Variants in NRG1 observed in about 807,000 individuals in gnomAD.
The protein encoded by NRG1 is neuregulin 1.
In NRG1, 18 loss-of-function variants were observed where a neutral mutation model predicts 63.8. The ratio of observed to expected loss-of-function variants is 0.28; its 90% CI spans 0.19 to 0.42. The LOEUF is 0.42. NRG1 is among the 10% of genes least tolerant of loss of function. The pLI, the probability that NRG1 is intolerant of heterozygous loss-of-function variation, is 1.00. For synonymous variants in NRG1, 302 were observed against 301.3 expected, an observed-to-expected ratio of 1.00 and a Z score of -0.02; for missense variants, 762 against 814.7, an observed-to-expected ratio of 0.94 and a Z score of 0.79.
intron 1 of NRG1, among the ~76,000 whole-genome samples, chr8:32,462,481 A>G (rs755770583): frequency 1.2e-4 from 18 of 152,092 alleles, no homozygotes; most frequent in Non-Finnish European, 2.5e-4. Flanking sequence ...TTCCATAGTT[A>G]ACATTTTTGT....
intron 6 of NRG1, among the ~76,000 whole-genome samples, chr8:32,732,988 G>A (rs1824112149): frequency 6.6e-6 from 1 of 151,544 alleles, no homozygotes; most frequent in African/African-American, 2.4e-5. Context: ...TTTGTATTTA[G>A]TAGCGACAGG....
At chr8:32,366,743 G>T (rs531001240) in intron 1 of NRG1, among the ~76,000 whole-genome samples, 79 of 122,902 alleles carry the variant, frequency 6.4e-4, no homozygotes, top group Middle Eastern at 4.9e-3. Context: ...ACAGAGTCTT[G>T]CTGTGTTGCC....
chr8:32,084,908 T>C (rs1827993393), intron 1 of NRG1, among the ~76,000 whole-genome samples: 1 of 152,038 alleles, frequency 6.6e-6, no homozygotes, highest in African/African-American at 2.4e-5. Context: ...TTTGAAGGAG[T>C]GATTTTAATT....
At chr8:31,951,337 A>G (rs437845) in intron 1 of NRG1, among the ~76,000 whole-genome samples, 136,824 of 152,162 alleles carry the variant, frequency 0.9, 62,309 homozygotes, top group African/African-American at 0.97. Flanking sequence ...GTTCAGCTGC[A>G]TGATATGTTG....
intron 1 of NRG1, among the ~76,000 whole-genome samples, chr8:31,895,562 T>C (rs1391318904): frequency 6.6e-6 from 1 of 152,236 alleles, no homozygotes; most frequent in African/African-American, 2.4e-5. Context: ...TTTAGTCTGA[T>C]CTTCATTTTT....
At chr8:32,646,764 T>G in intron 5 of NRG1, 1 of 985,266 alleles carries the variant, frequency 1.0e-6, no homozygotes, top group African/African-American at 1.7e-5. Context: ...CTCTCTTTGA[T>G]TTGATGGCCT....
chr8:31,803,012 A>T (rs559181467), intron 1 of NRG1, among the ~76,000 whole-genome samples: 1 of 152,276 alleles, frequency 6.6e-6, no homozygotes, highest in East Asian at 1.9e-4. Context: ...CTGGCTTAGC[A>T]TTCTGGTATT....
At chr8:31,721,762 C>A (rs1465966592) in intron 1 of NRG1, among the ~76,000 whole-genome samples, 1 of 152,082 alleles carries the variant, frequency 6.6e-6, no homozygotes, top group Non-Finnish European at 1.5e-5. Flanking sequence ...AGTTCCATCT[C>A]TCTTGACCTT....
intron 1 of NRG1, among the ~76,000 whole-genome samples, chr8:32,056,022 G>A (rs1822875790): frequency 6.6e-6 from 1 of 152,060 alleles, no homozygotes; most frequent in African/African-American, 2.4e-5. Context: ...AATAGGCTAT[G>A]GCACTCAAGT....
chr8:32,007,354 C>G (rs1813944290), intron 1 of NRG1, among the ~76,000 whole-genome samples: 1 of 152,036 alleles, frequency 6.6e-6, no homozygotes, highest in Non-Finnish European at 1.5e-5. Flanking sequence ...AATCCTCCAA[C>G]TTTGTTTGAT....
intron 1 of NRG1, among the ~76,000 whole-genome samples, chr8:32,486,055 G>A (rs1825854734): frequency 6.6e-6 from 1 of 151,972 alleles, no homozygotes. Context: ...AGCCTCCCAA[G>A]TAGCTGGGAT....
intron 1 of NRG1, among the ~76,000 whole-genome samples, chr8:32,433,456 GA>G (rs1818413899): frequency 6.6e-6 from 1 of 152,132 alleles, no homozygotes; most frequent in Non-Finnish European, 1.5e-5. Flanking sequence ...CAGGAAATGG[GA>G]AGGAACTTTT....
intron 1 of NRG1, among the ~76,000 whole-genome samples, chr8:31,907,164 C>T (rs762085495): frequency 5.3e-5 from 8 of 151,986 alleles, no homozygotes; most frequent in Non-Finnish European, 1.0e-4. Context: ...TCCTGAGTCT[C>T]ATAAACAGCA....
intron 1 of NRG1, among the ~76,000 whole-genome samples, chr8:31,995,304 G>T (rs907846832): frequency 3.3e-5 from 5 of 151,884 alleles, no homozygotes; most frequent in Non-Finnish European, 7.4e-5. Flanking sequence ...TAGCACTTAG[G>T]TAATAATATT....
intron 1 of NRG1, among the ~76,000 whole-genome samples, chr8:31,764,266 G>A (rs1817838926): frequency 6.6e-6 from 1 of 151,892 alleles, no homozygotes; most frequent in Non-Finnish European, 1.5e-5. Context: ...TTGCCCCAAC[G>A]GTGATATCTT....
chr8:32,386,762 T>G (rs538609854), intron 1 of NRG1, among the ~76,000 whole-genome samples: 8 of 152,350 alleles, frequency 5.3e-5, no homozygotes, highest in Non-Finnish European at 1.0e-4. Context: ...ATTTTGTACT[T>G]TCTCTTTCTG....
At chr8:32,706,655 C>T (rs1275125307) in intron 5 of NRG1, among the ~76,000 whole-genome samples, 4 of 151,994 alleles carry the variant, frequency 2.6e-5, no homozygotes, top group South Asian at 2.1e-4. Flanking sequence ...CACTTACCAA[C>T]GTTAGCCTCT....
chr8:32,608,083 G>GT (rs372730003), intron 3 of NRG1, among the ~76,000 whole-genome samples: 29 of 99,274 alleles, frequency 2.9e-4, no homozygotes, highest in South Asian at 6.6e-4. Context: ...ATGAACCCAG[G>GT]TTTTTTTTGT....
intron 2 of NRG1, among the ~76,000 whole-genome samples, chr8:32,596,903 G>A (rs1357408483): frequency 2.0e-5 from 3 of 152,050 alleles, no homozygotes; most frequent in South Asian, 2.1e-4. Flanking sequence ...TACCCTCCCC[G>A]AGGAGGTCCA....
Sources: gnomAD v4.1 joint callset for allele counts (sites outside exome capture counted in the v4.1 genomes callset) on GRCh38, gnomAD v4.1.1 for gene constraint, MANE v1.5 for transcripts, NCBI Gene and HGNC (gene_info 2026-07-23, HGNC 2026-07-21) for gene names.